COL24A1: variants seen among roughly 807,000 people sequenced by gnomAD.
COL24A1 encodes the protein collagen alpha-1(XXIV) chain.
COL24A1 carries 224 observed loss-of-function variants against 253.9 expected under a neutral mutation model. The ratio of observed to expected loss-of-function variants is 0.88; its 90% CI spans 0.79 to 0.99. COL24A1 has a LOEUF of 0.99. COL24A1 is among the 50% of genes least tolerant of loss of function. The probability of loss-of-function intolerance (pLI) is 0.00; values close to 1 mark genes in which losing one functional copy is unlikely to be tolerated. For synonymous variants in COL24A1, 685 were observed against 673.7 expected (o/e 1.02, Z -0.26); for missense variants, 2,131 against 2,068.5 (o/e 1.03, Z -0.59).
intron 5 of COL24A1, among the ~76,000 whole-genome samples, chr1:86,097,346 G>C (rs919738744): frequency 1.3e-5 from 2 of 150,352 alleles, no homozygotes; most frequent in African/African-American, 4.9e-5. Context: ...TGTTGTTATT[G>C]TATTGTTGTT....
At chr1:85,798,686 A>G (rs1241084905) in intron 47 of COL24A1, among the ~76,000 whole-genome samples, 1 of 152,156 alleles carries the variant, frequency 6.6e-6, no homozygotes, top group African/African-American at 2.4e-5. Flanking sequence ...CTTATACTGG[A>G]CACAATCCAC....
At position 85,920,929 on chromosome 1, in the gene COL24A1, G is replaced by GAA. The variant is rs71078629; in HGVS notation, c.2563-9498_2563-9497dup. On this transcript the variant is annotated intron_variant, in intron 24 of 59. Coordinates refer to ENST00000370571, the MANE Select transcript of COL24A1 (RefSeq NM_152890.7). ...GAAGATTCATTGGAGGCAAGAGGTA[G>GAA]AAAAAAAAAAACAAAAACAAAAGAA... Among the ~76,000 whole-genome samples the GAA allele has an allele frequency of 3.6e-3, 513 of 144,480 alleles. 1 individual carries two copies. Among genetic ancestry groups the GAA allele is most frequent in the African/African-American group, 0.012 (492 of 39,576 alleles). The allele number at this position is 144,480 out of a possible 152,430, so 94.8% of individuals were successfully genotyped here. A position where few individuals can be genotyped will look rare whatever the true frequency, so the allele number is the denominator to read the frequency against.
At chr1:85,932,244 AAAAC>A (rs1273480613) in intron 24 of COL24A1, among the ~76,000 whole-genome samples, 2 of 74,756 alleles carry the variant, frequency 2.7e-5, no homozygotes, top group Admixed American at 1.6e-4. Context: ...TTACAAGAAA[AAAAC>A]AAACAACCCC....
In COL24A1 at chr1:85,944,475, T is replaced by A. The variant is rs183704006; in HGVS notation, c.2562+16774A>T. Among the ~76,000 whole-genome samples, 987 of 152,282 alleles carry A rather than the reference T, an allele frequency of 6.5e-3. 3 individuals are homozygous for A. The highest frequency in any genetic ancestry group is 0.017 in the Middle Eastern group (5 of 294). Reference sequence around the variant, plus strand: ...TGTAAATAAATCTTTTTTAAAAAAATTTTAAATTATTCTTTCCAGAATTAT... The same window carrying A: ...TGTAAATAAATCTTTTTTAAAAAAAATTTAAATTATTCTTTCCAGAATTAT... On this transcript the variant is annotated intron_variant, in intron 24 of 59. Transcript: ENST00000370571.
At chr1:85,998,270 C>G (rs921045946) in intron 19 of COL24A1, among the ~76,000 whole-genome samples, 2 of 152,164 alleles carry the variant, frequency 1.3e-5, no homozygotes, top group Non-Finnish European at 1.5e-5. Context: ...ACTATTTCTT[C>G]AAGTCACTGC....
chr1:85,990,203 A>T (rs538868093), intron 19 of COL24A1, among the ~76,000 whole-genome samples: 1 of 152,146 alleles, frequency 6.6e-6, no homozygotes, highest in African/African-American at 2.4e-5. Flanking sequence ...CTTTCAGCCA[A>T]TTTAGAGCAT....
chr1:86,110,164 T>C (rs1371308788), intron 5 of COL24A1, among the ~76,000 whole-genome samples: 1 of 151,672 alleles, frequency 6.6e-6, no homozygotes, highest in Non-Finnish European at 1.5e-5. Flanking sequence ...TTTAAGGGAA[T>C]GGGAATATTT....
chr1:86,108,499 C>T (rs940180640), intron 5 of COL24A1, among the ~76,000 whole-genome samples: 8 of 151,544 alleles, frequency 5.3e-5, no homozygotes, highest in Non-Finnish European at 1.2e-4. Context: ...AAAGGACTCT[C>T]GGGCTGGTCG....
intron 11 of COL24A1, 60 bp from the exon 12 acceptor site, chr1:86,046,929 TC>T (rs1699954152): frequency 1.1e-6 from 1 of 940,662 alleles, no homozygotes; most frequent in African/African-American, 1.6e-5. Context: ...GTACTATAGA[TC>T]TTTTTCTCCC....
At chr1:85,869,824 C>A (rs1412757504) in intron 35 of COL24A1, among the ~76,000 whole-genome samples, 2 of 152,158 alleles carry the variant, frequency 1.3e-5, no homozygotes, top group Non-Finnish European at 2.9e-5. Flanking sequence ...ATCATAATGA[C>A]AGGATCATAT....
At chr1:85,756,761 A>G (rs969256293) in intron 55 of COL24A1, among the ~76,000 whole-genome samples, 1 of 152,264 alleles carries the variant, frequency 6.6e-6, no homozygotes, top group Non-Finnish European at 1.5e-5. Context: ...ATATTTGTAC[A>G]GCAATGTTTA....
At position 85,896,139 on chromosome 1, in the gene COL24A1, A is replaced by G. The variant is rs544865126; in HGVS notation, c.2833-74T>C. On this transcript the variant is annotated intron_variant, in intron 29 of 59. Transcript: ENST00000370571. ...TCTTACTATGCTAGCATATGCTAGC[A>G]TACACTCACATACAAAAAAGACAGT... 7 of 1,406,314 alleles carry G rather than the reference A, an allele frequency of 5.0e-6. No individual in the cohort carries two copies. The African/African-American group carries it at 1.0e-4, about 20-fold the overall frequency. 87.1% of individuals were successfully genotyped at this position (1,406,314 alleles called of 1,614,324 possible). A position where few individuals can be genotyped will look rare whatever the true frequency, so the allele number is the denominator to read the frequency against.
At chr1:86,142,948 T>C (rs1339418726) in intron 2 of COL24A1, among the ~76,000 whole-genome samples, 1 of 152,050 alleles carries the variant, frequency 6.6e-6, no homozygotes, top group African/African-American at 2.4e-5. Flanking sequence ...GGATCAAGAA[T>C]TAATATAACA....
At chr1:86,111,422 A>G (rs1240959321) in intron 5 of COL24A1, among the ~76,000 whole-genome samples, 2 of 151,856 alleles carry the variant, frequency 1.3e-5, no homozygotes, top group Non-Finnish European at 2.9e-5. Context: ...TTGTAAATGG[A>G]CCAATCAGCA....
chr1:85,737,594 A>C, intron 57 of COL24A1, 89 bp from the exon 58 acceptor site: 24 of 904,222 alleles, frequency 2.7e-5, no homozygotes, highest in Non-Finnish European at 3.6e-5. Flanking sequence ...AGAGAGTCTC[A>C]TTCTGTTAGC....
intron 20 of COL24A1, 41 bp from the exon 21 acceptor site, chr1:85,971,434 T>C (rs1346461067): frequency 6.8e-7 from 1 of 1,462,226 alleles, no homozygotes; most frequent in Non-Finnish European, 9.5e-7. Context: ...AAATTTTAGA[T>C]CAACTGACAT....
chr1:85,783,199 G>A (rs1446250854), intron 51 of COL24A1, among the ~76,000 whole-genome samples: 2 of 151,966 alleles, frequency 1.3e-5, no homozygotes, highest in African/African-American at 2.4e-5. Flanking sequence ...ACGTGAAATT[G>A]CTGTATGTTT....
chr1:86,115,925 T>C (rs1426136765), intron 3 of COL24A1, among the ~76,000 whole-genome samples: 2 of 149,310 alleles, frequency 1.3e-5, no homozygotes, highest in East Asian at 3.9e-4. Flanking sequence ...AAGTCACTAA[T>C]AGAGTTAAAT....
intron 12 of COL24A1, among the ~76,000 whole-genome samples, chr1:86,045,480 A>T (rs1699828892): frequency 6.6e-6 from 1 of 152,222 alleles, no homozygotes; most frequent in Non-Finnish European, 1.5e-5. Context: ...GTTAATTTTT[A>T]GAATTTTAGA....
Sources: gnomAD v4.1 joint callset for allele counts (sites outside exome capture counted in the v4.1 genomes callset) on GRCh38, gnomAD v4.1.1 for gene constraint, MANE v1.5 for transcripts, NCBI Gene and HGNC (gene_info 2026-07-23, HGNC 2026-07-21) for gene names.